CREBRF: variants seen among roughly 807,000 people sequenced by gnomAD.
The protein encoded by CREBRF is UPF0474 protein C5orf41.
A neutral mutation model predicts 66.1 loss-of-function variants in CREBRF; 5 were observed. The ratio of observed to expected loss-of-function variants is 0.08; its 90% CI spans 0.04 to 0.16. CREBRF has a LOEUF of 0.16. Ranked by LOEUF, CREBRF falls within the 10% of genes least tolerant of loss-of-function variation. CREBRF has a pLI of 1.00. For synonymous variants in CREBRF, 229 were observed against 264.4 expected, an observed-to-expected ratio of 0.87 and a Z score of 1.30; for missense variants, 531 against 744.9, an observed-to-expected ratio of 0.71 and a Z score of 3.34.
At chr5:173,121,472 G>A (rs1759138178) in intron 7 of CREBRF, among the ~76,000 whole-genome samples, 2 of 151,746 alleles carry the variant, frequency 1.3e-5, no homozygotes, top group South Asian at 4.2e-4. Flanking sequence ...ACAGGCACCT[G>A]CCACCACGCC....
intron 7 of CREBRF, 108 bp from the exon 8 acceptor site, chr5:173,122,972 C>G (rs1372443917): frequency 9.4e-7 from 1 of 1,061,942 alleles, no homozygotes; most frequent in Non-Finnish European, 1.3e-6. Flanking sequence ...TGTATATGTG[C>G]CACATTTTCT....
At chr5:173,071,835 G>A (rs1019232324) in intron 1 of CREBRF, among the ~76,000 whole-genome samples, 16 of 151,664 alleles carry the variant, frequency 1.1e-4, no homozygotes, top group Admixed American at 2.0e-4. Context: ...GCAGGCGATT[G>A]CTTGAGCCCA....
chr5:173,115,111 T>C (rs1758957437), intron 7 of CREBRF, among the ~76,000 whole-genome samples: 1 of 150,330 alleles, frequency 6.7e-6, no homozygotes, highest in South Asian at 2.1e-4. Context: ...TCTTTTTCTT[T>C]TTTTTTTTTT....
chr5:173,089,684 A>G (rs1165090873), intron 3 of CREBRF, among the ~76,000 whole-genome samples: 1 of 151,870 alleles, frequency 6.6e-6, no homozygotes, highest in East Asian at 1.9e-4. Context: ...AAAGAAAAAA[A>G]AATCATCTCT....
chr5:173,095,330 A>G (rs532614651), intron 4 of CREBRF, among the ~76,000 whole-genome samples: 37 of 151,574 alleles, frequency 2.4e-4, no homozygotes, highest in African/African-American at 7.7e-4. Context: ...CTGGGACTAC[A>G]GGCGCCCGCC....
At chr5:173,107,046 G>A (rs910997527) in intron 4 of CREBRF, among the ~76,000 whole-genome samples, 6 of 152,096 alleles carry the variant, frequency 3.9e-5, no homozygotes, top group Admixed American at 6.6e-5. Context: ...CACCGCACCC[G>A]GCCCCTTATA....
intron 4 of CREBRF, among the ~76,000 whole-genome samples, chr5:173,101,840 C>T (rs902795591): frequency 8.5e-5 from 13 of 152,152 alleles, no homozygotes; most frequent in East Asian, 1.9e-4. Flanking sequence ...TGAGCCACCG[C>T]GCCCGGCCTG....
In CREBRF at chr5:173,090,701, T is replaced by G. The variant is rs1362352608; in HGVS notation, c.522T>G (p.Gly174=). The G allele has an allele frequency of 6.2e-7, 1 of 1,614,140 alleles. No homozygotes were observed. Among genetic ancestry groups the G allele is most frequent in the Non-Finnish European group, 8.5e-7 (1 of 1,180,006 alleles). Residue 174 remains glycine, a synonymous_variant, in exon 4 of 9, where the codon GGT becomes GGG. Coordinates refer to ENST00000296953, the MANE Select transcript of CREBRF (RefSeq NM_153607.3). The surrounding 1 kb of genome is among the most constrained non-coding windows in gnomAD (Gnocchi z 4.5). The stretch of plus-strand genomic sequence containing the variant: ...ATCCCTTACCCTCTTCATTCCCTGG[T>G]AAAAAGATCACAAGCAGAGCAGCTG... The part of the protein sequence containing the change: ...KQNPLPSSFP[G]KKITSRAAAP...
chr5:173,126,142 G>T (rs1759269324), intron 8 of CREBRF, among the ~76,000 whole-genome samples: 1 of 151,792 alleles, frequency 6.6e-6, no homozygotes, highest in Admixed American at 6.6e-5. Flanking sequence ...CAACCCCAGG[G>T]TTTTTTGTTT....
intron 1 of CREBRF, among the ~76,000 whole-genome samples, chr5:173,069,664 T>C (rs1038450191): frequency 6.6e-6 from 1 of 152,040 alleles, no homozygotes; most frequent in Non-Finnish European, 1.5e-5. Flanking sequence ...ACCTTTTACC[T>C]AGAGTTTGTT....
intron 6 of CREBRF, among the ~76,000 whole-genome samples, chr5:173,111,136 C>T (rs1489478904): frequency 2.0e-5 from 3 of 152,194 alleles, no homozygotes; most frequent in Non-Finnish European, 4.4e-5. Flanking sequence ...TTCCTTATGT[C>T]TCTTTGTAAA....
chr5:173,084,671 T>G (rs1015658388), intron 2 of CREBRF, among the ~76,000 whole-genome samples: 4 of 152,190 alleles, frequency 2.6e-5, no homozygotes, highest in Non-Finnish European at 4.4e-5. Context: ...AGACAGAGTC[T>G]CACTCAGTTG....
At chr5:173,123,908 C>G (rs1184768413) in intron 8 of CREBRF, 1 of 152,184 alleles carries the variant, frequency 6.6e-6, no homozygotes, top group Non-Finnish European at 1.5e-5. Flanking sequence ...CAATCACTTA[C>G]CTCCTGCTTC....
chr5:173,130,678 C>T (rs1759402902), intron 8 of CREBRF, among the ~76,000 whole-genome samples: 1 of 151,950 alleles, frequency 6.6e-6, no homozygotes, highest in African/African-American at 2.4e-5. Flanking sequence ...TGTGCGCCAC[C>T]ATGTCCAGCT....
At chr5:173,067,717 G>T (rs1337051037) in intron 1 of CREBRF, among the ~76,000 whole-genome samples, 1 of 152,180 alleles carries the variant, frequency 6.6e-6, no homozygotes, top group Admixed American at 6.5e-5. Context: ...CAGTTAATTG[G>T]CCGGGTGCCG....
intron 3 of CREBRF, among the ~76,000 whole-genome samples, chr5:173,088,766 T>G (rs1219387365): frequency 2.0e-5 from 3 of 152,062 alleles, no homozygotes; most frequent in Non-Finnish European, 4.4e-5. Flanking sequence ...CACAAAAATA[T>G]ATAAAAACTG....
At chr5:173,065,635 T>G (rs1161834755) in intron 1 of CREBRF, among the ~76,000 whole-genome samples, 1 of 146,090 alleles carries the variant, frequency 6.8e-6, no homozygotes, top group Non-Finnish European at 1.5e-5. Context: ...TGGGTTATAT[T>G]TCTTTCCTTT....
chr5:173,072,555 C>T (rs113847926), intron 1 of CREBRF, among the ~76,000 whole-genome samples: 3,263 of 151,046 alleles, frequency 0.022, 47 homozygotes, highest in Middle Eastern at 0.045. Context: ...GGATTACAGG[C>T]GTGAGTCACT....
chr5:173,117,370 ACT>A (rs1221839298), intron 7 of CREBRF, among the ~76,000 whole-genome samples: 1 of 128,986 alleles, frequency 7.8e-6, no homozygotes, highest in Non-Finnish European at 1.8e-5. Context: ...CAAGAGTGAA[ACT>A]CTGTCTCAAA....
Sources: allele counts gnomAD v4.1 joint callset (sites outside exome capture counted in the v4.1 genomes callset), GRCh38; gene constraint gnomAD v4.1.1; non-coding constraint Gnocchi (gnomAD v3.1); transcripts MANE v1.5; gene names NCBI Gene and HGNC (gene_info 2026-07-23, HGNC 2026-07-21).